Variants in CACNA2D1 observed in about 807,000 individuals in gnomAD.
CACNA2D1 encodes voltage-dependent calcium channel subunit alpha-2/delta-1.
CACNA2D1 carries 53 observed loss-of-function variants against 171.5 expected under a neutral mutation model. The ratio of observed to expected loss-of-function variants is 0.31; its 90% CI spans 0.25 to 0.39. The LOEUF is 0.39. Ranked by LOEUF, CACNA2D1 falls within the 10% of genes least tolerant of loss-of-function variation. The pLI is 1.00. For synonymous variants in CACNA2D1, 442 were observed against 443.1 expected (o/e 1.00, Z 0.03); for missense variants, 903 against 1,299.8 (o/e 0.69, Z 4.69).
chr7:82,024,046 CTATT>C (rs1801585457), intron 12 of CACNA2D1: 1 of 151,706 alleles, frequency 6.6e-6, no homozygotes, highest in Non-Finnish European at 1.5e-5. Flanking sequence ...TTTTCTTTAT[CTATT>C]CATCTGTCAA....
intron 1 of CACNA2D1, among the ~76,000 whole-genome samples, chr7:82,403,476 T>G (rs1262334148): frequency 2.0e-5 from 3 of 152,198 alleles, no homozygotes; most frequent in African/African-American, 7.2e-5. Context: ...CCAATTGTTC[T>G]CAACTTGTCT....
chr7:82,064,932 C>T (rs934333614), intron 8 of CACNA2D1, among the ~76,000 whole-genome samples: 2 of 152,038 alleles, frequency 1.3e-5, no homozygotes, highest in Non-Finnish European at 2.9e-5. Flanking sequence ...AATTCAACCC[C>T]GTGGAATCAG....
At chr7:81,986,093 G>A (rs1796937085) in intron 21 of CACNA2D1, among the ~76,000 whole-genome samples, 1 of 152,172 alleles carries the variant, frequency 6.6e-6, no homozygotes, top group Non-Finnish European at 1.5e-5. Flanking sequence ...ATACTCAAAT[G>A]TAGGACATAA....
intron 7 of CACNA2D1, among the ~76,000 whole-genome samples, chr7:82,071,920 C>T (rs1329221806): frequency 1.3e-5 from 2 of 152,056 alleles, no homozygotes; most frequent in African/African-American, 4.8e-5. Context: ...TGGTATTGAG[C>T]CCATTTTAAT....
chr7:82,407,402 T>C (rs868442553), intron 1 of CACNA2D1, among the ~76,000 whole-genome samples: 6 of 152,280 alleles, frequency 3.9e-5, no homozygotes, highest in Middle Eastern at 3.4e-3. Context: ...TAATCCTCTA[T>C]CTCTCAAATA....
intron 3 of CACNA2D1, among the ~76,000 whole-genome samples, chr7:82,190,756 T>C (rs1438255043): frequency 6.6e-6 from 1 of 151,684 alleles, no homozygotes; most frequent in Non-Finnish European, 1.5e-5. Context: ...CATAGAATCA[T>C]ATATTGTTAG....
intron 12 of CACNA2D1, among the ~76,000 whole-genome samples, chr7:82,016,331 G>T (rs1277894889): frequency 6.6e-6 from 1 of 152,016 alleles, no homozygotes; most frequent in African/African-American, 2.4e-5. Context: ...AAGCACTGGG[G>T]GATCTCTCTC....
At chr7:81,976,015 ACCTT>A (rs1484100840) in intron 24 of CACNA2D1, among the ~76,000 whole-genome samples, 4 of 151,536 alleles carry the variant, frequency 2.6e-5, no homozygotes, top group African/African-American at 9.7e-5. Flanking sequence ...AGCAGAAAGC[ACCTT>A]GTTCACTTCC....
At chr7:82,167,923 T>C (rs1053177460) in intron 4 of CACNA2D1, among the ~76,000 whole-genome samples, 15 of 152,152 alleles carry the variant, frequency 9.9e-5, no homozygotes, top group African/African-American at 3.1e-4. Flanking sequence ...AAATAATTCA[T>C]TTTCTATTTC....
At chr7:82,187,454 T>C (rs971345926) in intron 3 of CACNA2D1, among the ~76,000 whole-genome samples, 7 of 152,142 alleles carry the variant, frequency 4.6e-5, no homozygotes, top group Admixed American at 4.6e-4. Flanking sequence ...TGTACAATAG[T>C]ATTTATTACT....
intron 3 of CACNA2D1, among the ~76,000 whole-genome samples, chr7:82,288,517 C>G (rs1056442636): frequency 2.0e-5 from 3 of 152,008 alleles, no homozygotes; most frequent in Admixed American, 6.6e-5. Flanking sequence ...TCTGTTGAGT[C>G]ATCCAGGCAG....
At chr7:82,165,295 C>T (rs949554035) in intron 4 of CACNA2D1, among the ~76,000 whole-genome samples, 1 of 152,032 alleles carries the variant, frequency 6.6e-6, no homozygotes, top group African/African-American at 2.4e-5. Flanking sequence ...TACTTTATCA[C>T]AGGACATATC....
chr7:82,443,667 C>T lies in CACNA2D1; in HGVS notation c.-208G>A. On this transcript the variant is annotated 5_prime_UTR_variant, in exon 1 of 39. Transcript: ENST00000356860. ...AGGAAGGGGCGGTGGCGGGCGGACC[C>T]ACTAGCGTGCGTCGGCTGCTCCGCG... 2 of 1,259,654 alleles carry T rather than the reference C, an allele frequency of 1.6e-6. No homozygotes were observed. The highest frequency in any genetic ancestry group is 2.0e-6 in the Non-Finnish European group (2 of 1,008,052). The allele number at this position is 1,259,654 out of a possible 1,614,324, so 78.0% of individuals were successfully genotyped here.
At chr7:81,955,629 T>TAGATTATACTTCTACAAGATCAGAAGGAC (rs2130054381) in intron 38 of CACNA2D1, among the ~76,000 whole-genome samples, 1 of 151,680 alleles carries the variant, frequency 6.6e-6, no homozygotes, top group African/African-American at 2.4e-5. Context: ...ATCAGAAGGA[T>TAGATTATACTTCTACAAGATCAGAAGGAC]ATAGATTATA....
chr7:82,131,409 C>T (rs1790962748), intron 5 of CACNA2D1, among the ~76,000 whole-genome samples: 1 of 152,182 alleles, frequency 6.6e-6, no homozygotes, highest in African/African-American at 2.4e-5. Flanking sequence ...CTACACATCA[C>T]TTCCTTTGTC....
intron 3 of CACNA2D1, among the ~76,000 whole-genome samples, chr7:82,195,541 G>C (rs1798760669): frequency 6.6e-6 from 1 of 151,804 alleles, no homozygotes; most frequent in Non-Finnish European, 1.5e-5. Flanking sequence ...TTTTAGGTCT[G>C]TAGAATATTG....
At chr7:82,388,419 T>C (rs1228067381) in intron 1 of CACNA2D1, among the ~76,000 whole-genome samples, 1 of 152,220 alleles carries the variant, frequency 6.6e-6, no homozygotes, top group African/African-American at 2.4e-5. Context: ...ACTCACAAAA[T>C]TGTGAAAATA....
At chr7:82,018,562 T>A (rs901832312) in intron 12 of CACNA2D1, among the ~76,000 whole-genome samples, 6 of 152,188 alleles carry the variant, frequency 3.9e-5, no homozygotes, top group Non-Finnish European at 7.3e-5. Flanking sequence ...TTAGGCAAAA[T>A]ATACTTAGTA....
At chr7:82,291,863 T>C (rs1053137950) in intron 3 of CACNA2D1, among the ~76,000 whole-genome samples, 1 of 151,738 alleles carries the variant, frequency 6.6e-6, no homozygotes, top group Non-Finnish European at 1.5e-5. Context: ...CATTTTTAAA[T>C]ATAACACTCT....
Sources: allele counts gnomAD v4.1 joint callset (sites outside exome capture counted in the v4.1 genomes callset), GRCh38; gene constraint gnomAD v4.1.1; transcripts MANE v1.5; gene names NCBI Gene and HGNC (gene_info 2026-07-23, HGNC 2026-07-21).